Variants in FLRT1 observed in about 807,000 individuals in gnomAD.
The protein encoded by FLRT1 is leucine-rich repeat transmembrane protein FLRT1.
FLRT1 carries 14 observed loss-of-function variants against 30.9 expected under a neutral mutation model. The ratio of observed to expected loss-of-function variants is 0.45; its 90% CI spans 0.30 to 0.71. The LOEUF (loss-of-function observed/expected upper bound fraction) is 0.71, where lower values mean the gene tolerates loss of function less well. FLRT1 is among the 30% of genes least tolerant of loss of function. The probability of loss-of-function intolerance (pLI) is 0.08; values close to 1 mark genes in which losing one functional copy is unlikely to be tolerated. For synonymous variants in FLRT1, 368 were observed against 430.4 expected (o/e 0.85, Z 1.80); for missense variants, 737 against 949.2 (o/e 0.78, Z 2.94).
intron 1 of FLRT1, among the ~76,000 whole-genome samples, chr11:64,077,469 G>A (rs1944223658): frequency 6.6e-6 from 1 of 152,152 alleles, no homozygotes; most frequent in South Asian, 2.1e-4. Context: ...CATCAGCCTT[G>A]CCTCAGGACC....
intron 1 of FLRT1, among the ~76,000 whole-genome samples, chr11:64,046,647 G>C (rs2134400870): frequency 1.3e-5 from 2 of 152,286 alleles, no homozygotes; most frequent in Non-Finnish European, 2.9e-5. Context: ...CTACAGGCGT[G>C]TGCCTCTATG....
chr11:64,069,561 C>A (rs2250196), intron 1 of FLRT1, among the ~76,000 whole-genome samples: 9 of 152,142 alleles, frequency 5.9e-5, no homozygotes, highest in African/African-American at 2.2e-4. Context: ...TCTCCCTGCC[C>A]GTGTGGTGCC....
chr11:64,054,262 C>T (rs17158750), intron 1 of FLRT1, among the ~76,000 whole-genome samples: 8,625 of 152,192 alleles, frequency 0.057, 847 homozygotes, highest in African/African-American at 0.2. Context: ...AGACAGTTGG[C>T]TCAAGTCATG....
Position 64,116,710 on chromosome 11 carries a change from C to T in FLRT1, c.443C>T (p.Ala148Val), listed in dbSNP as rs80061941. The T allele has an allele frequency of 6.2e-7, 1 of 1,613,822 alleles. No individual in the cohort carries two copies. The highest frequency in any genetic ancestry group is 8.5e-7 in the Non-Finnish European group (1 of 1,180,024). ...CGCACCATTGCCAGGGACTCGCTGGCCCGCATCCCGCTGCTGGAGAAGCTG... is the reference window on the plus strand; with the variant it reads ...CGCACCATTGCCAGGGACTCGCTGGTCCGCATCCCGCTGCTGGAGAAGCTG... Reference protein sequence around the residue: ...NVRTIARDSLARIPLLEKLHL... With the variant: ...NVRTIARDSLVRIPLLEKLHL... Residue 148 changes from alanine to valine, a missense_variant, in exon 3 of 3, where the codon GCC (alanine) becomes GTC (valine). Transcript: ENST00000682287.
chr11:64,079,991 G>A (rs1944274948), intron 1 of FLRT1, among the ~76,000 whole-genome samples: 1 of 152,170 alleles, frequency 6.6e-6, no homozygotes. Flanking sequence ...CCTTGAACAA[G>A]TTGCTTTCCC....
At chr11:64,073,821 G>A (rs1944152613) in intron 1 of FLRT1, among the ~76,000 whole-genome samples, 1 of 152,158 alleles carries the variant, frequency 6.6e-6, no homozygotes. Flanking sequence ...GTGTTGGGGA[G>A]GGGGGCCCAC....
At chr11:64,055,792 G>A (rs1943774879) in intron 1 of FLRT1, among the ~76,000 whole-genome samples, 2 of 152,162 alleles carry the variant, frequency 1.3e-5, no homozygotes, top group African/African-American at 4.8e-5. Flanking sequence ...TCATACAGAG[G>A]ATGCTGGTTT....
In FLRT1 at chr11:64,083,776, C is replaced by A. The variant is rs1425709045; in HGVS notation, c.-1037-19418C>A. 7.9e-5 allele frequency among the ~76,000 whole-genome samples: 12 copies of A among 152,158 alleles called. No individual in the cohort carries two copies. The East Asian group carries it at 2.3e-3, about 29-fold the overall frequency. On this transcript the variant is annotated intron_variant, in intron 1 of 2. Transcript: ENST00000682287. ...CGGTGACTCCTGAAGGGCCCCAGCCCCAAATTCCCAAGGTCAAGGGGTGAG... is the reference window on the plus strand; with the variant it reads ...CGGTGACTCCTGAAGGGCCCCAGCCACAAATTCCCAAGGTCAAGGGGTGAG...
At chr11:64,066,712 C>T (rs1028787981) in intron 1 of FLRT1, among the ~76,000 whole-genome samples, 2 of 151,896 alleles carry the variant, frequency 1.3e-5, no homozygotes, top group African/African-American at 2.4e-5. Flanking sequence ...GGTGGGAATA[C>T]GATGAGAGCC....
rs763526629 is a variant in FLRT1, at chr11:64,117,921, C to T, written c.1654C>T (p.Pro552Ser). ...GAACGCTGGCCCCATGGCGAGCCTGCCCCTGGCGGGCATCATCGGCGGGGC... is the reference window on the plus strand; with the variant it reads ...GAACGCTGGCCCCATGGCGAGCCTGTCCCTGGCGGGCATCATCGGCGGGGC... The part of the protein sequence containing the change: ...EQNAGPMASL[P>S]LAGIIGGAVA... The change falls in exon 3 of 3, where the codon CCC (proline) becomes TCC (serine). Residue 552 changes from proline (P) to serine (S), a missense_variant. Coordinates refer to ENST00000682287, the MANE Select transcript of FLRT1 (RefSeq NM_013280.5). The T allele has an allele frequency of 6.2e-7, 1 of 1,613,934 alleles. No individual in the cohort carries two copies. Among genetic ancestry groups the T allele is most frequent in the Non-Finnish European group, 8.5e-7 (1 of 1,179,994 alleles).
chr11:64,105,584 T>C (rs1279155759), intron 2 of FLRT1, among the ~76,000 whole-genome samples: 1 of 152,202 alleles, frequency 6.6e-6, no homozygotes, highest in African/African-American at 2.4e-5. Context: ...CACCCAGCCC[T>C]GCCAGCTACT....
chr11:64,057,577 G>C (rs573452312), intron 1 of FLRT1, among the ~76,000 whole-genome samples: 1 of 152,324 alleles, frequency 6.6e-6, no homozygotes, highest in African/African-American at 2.4e-5. Flanking sequence ...GGCATCCTGA[G>C]GCCATCTGGC....
chr11:64,108,313 C>CAAAA (rs59331409), intron 2 of FLRT1, among the ~76,000 whole-genome samples: 4 of 100,848 alleles, frequency 4.0e-5, no homozygotes, highest in Admixed American at 3.2e-4. Flanking sequence ...AACTCTGTCT[C>CAAAA]AAAAAAAAAA....
At chr11:64,068,651 C>T (rs746050073) in intron 1 of FLRT1, among the ~76,000 whole-genome samples, 3 of 152,232 alleles carry the variant, frequency 2.0e-5, no homozygotes, top group Non-Finnish European at 4.4e-5. Context: ...GGGCTTTTGT[C>T]TCTACCCCCT....
chr11:64,055,270 G>A (rs754582404), intron 1 of FLRT1, among the ~76,000 whole-genome samples: 1 of 152,250 alleles, frequency 6.6e-6, no homozygotes, highest in African/African-American at 2.4e-5. Flanking sequence ...CCTTGAGCGG[G>A]ACACCATGCA....
chr11:64,109,490 G>A (rs926480401), intron 2 of FLRT1, among the ~76,000 whole-genome samples: 1 of 152,304 alleles, frequency 6.6e-6, no homozygotes, highest in African/African-American at 2.4e-5. Flanking sequence ...CTTCTGGGGA[G>A]GGCTGCAGAG....
At chr11:64,107,979 T>C (rs1944792866) in intron 2 of FLRT1, among the ~76,000 whole-genome samples, 1 of 152,148 alleles carries the variant, frequency 6.6e-6, no homozygotes, top group Non-Finnish European at 1.5e-5. Context: ...CTGCTAAACA[T>C]TGAAAGTAAC....
intron 1 of FLRT1, among the ~76,000 whole-genome samples, chr11:64,088,430 G>A (rs1590890419): frequency 6.6e-6 from 1 of 152,198 alleles, no homozygotes; most frequent in East Asian, 1.9e-4. Flanking sequence ...TCCTCCCTGT[G>A]AGCCCTGCAG....
Position 64,116,344 on chromosome 11 carries a change from C to A in FLRT1, c.77C>A (p.Thr26Lys). Residue 26 changes from threonine to lysine, a missense_variant, in exon 3 of 3, where the codon ACG (threonine) becomes AAG (lysine). Physicochemically the swap from Thr to Lys is moderately conservative, Grantham distance 78. Transcript: ENST00000682287. ...ATVTATVVMT[T>K]ATMDLRDWLF... Reference sequence around the variant, plus strand: ...GTCACGGCCACCGTTGTGATGACCACGGCCACCATGGACCTGCGGGACTGG... The same window carrying A: ...GTCACGGCCACCGTTGTGATGACCAAGGCCACCATGGACCTGCGGGACTGG... The A allele has an allele frequency of 6.2e-7, 1 of 1,612,120 alleles. No homozygotes were observed. Among genetic ancestry groups the A allele is most frequent in the Non-Finnish European group, 8.5e-7 (1 of 1,179,452 alleles).
Sources: allele counts gnomAD v4.1 joint callset (sites outside exome capture counted in the v4.1 genomes callset), GRCh38; gene constraint gnomAD v4.1.1; transcripts MANE v1.5; gene names NCBI Gene and HGNC (gene_info 2026-07-23, HGNC 2026-07-21).